RIMS2: variants seen among roughly 807,000 people sequenced by gnomAD.
The protein encoded by RIMS2 is regulating synaptic membrane exocytosis protein 2.
RIMS2 carries 59 observed loss-of-function variants against 174.4 expected under a neutral mutation model. That is an observed-to-expected ratio of 0.34 (90% CI 0.27 to 0.42). RIMS2 has a LOEUF of 0.42. RIMS2 is among the 10% of genes least tolerant of loss of function. The pLI is 1.00. For synonymous variants in RIMS2, 606 were observed against 572.5 expected, an observed-to-expected ratio of 1.06 and a Z score of -0.84; for missense variants, 1,620 against 1,666.3, an observed-to-expected ratio of 0.97 and a Z score of 0.48.
chr8:104,044,009 A>G (rs552005000), intron 19 of RIMS2, among the ~76,000 whole-genome samples: 2 of 151,796 alleles, frequency 1.3e-5, no homozygotes, highest in African/African-American at 2.4e-5. Flanking sequence ...GAATGCTGAT[A>G]CCGTTTCTGG....
intron 1 of RIMS2, among the ~76,000 whole-genome samples, chr8:103,545,180 C>T (rs1158436357): frequency 1.3e-5 from 2 of 152,046 alleles, no homozygotes; most frequent in Non-Finnish European, 2.9e-5. Context: ...GACAAAATGG[C>T]CATTTCAAGA....
chr8:103,820,275 A>G (rs2098743900), intron 3 of RIMS2, among the ~76,000 whole-genome samples: 1 of 152,048 alleles, frequency 6.6e-6, no homozygotes, highest in African/African-American at 2.4e-5. Context: ...AAGATATTCT[A>G]TTAAAGAATG....
intron 14 of RIMS2, among the ~76,000 whole-genome samples, chr8:103,956,899 T>G (rs2087479581): frequency 6.6e-6 from 1 of 151,922 alleles, no homozygotes; most frequent in Non-Finnish European, 1.5e-5. Context: ...TTAAACAGAT[T>G]TACAAGAAAA....
intron 2 of RIMS2, among the ~76,000 whole-genome samples, chr8:103,758,514 T>TG (rs890888364): frequency 6.6e-6 from 1 of 152,184 alleles, no homozygotes; most frequent in Non-Finnish European, 1.5e-5. Context: ...TTTTTATTAA[T>TG]GAAGACGTGA....
intron 1 of RIMS2, 72 bp from the exon 4 acceptor site, chr8:103,697,014 A>G (rs896321532): frequency 4.6e-6 from 4 of 872,236 alleles, no homozygotes; most frequent in Admixed American, 2.0e-5. Context: ...AACTGTGTCT[A>G]TAAATTGTGA....
At position 103,630,497 on chromosome 8, in the gene RIMS2, T is replaced by G. The variant is rs1453254099; in HGVS notation, c.177-66589T>G. Among the ~76,000 whole-genome samples, 7 of 140,758 alleles carry G rather than the reference T, an allele frequency of 5.0e-5. 1 individual carries two copies. The highest frequency in any genetic ancestry group is 3.1e-4 in the Admixed American group (4 of 12,736). 92.3% of individuals were successfully genotyped at this position (140,758 alleles called of 152,430 possible). On this transcript the variant is annotated intron_variant, in intron 1 of 23. Coordinates refer to ENST00000504942, the Ensembl canonical transcript of RIMS2. Reference sequence around the variant, plus strand: ...AGATAGGAAATAATAGGAGAATCACTAGAACCAGGGAGGCAAAGGTTGCAA... The same window carrying G: ...AGATAGGAAATAATAGGAGAATCACGAGAACCAGGGAGGCAAAGGTTGCAA...
intron 1 of RIMS2, among the ~76,000 whole-genome samples, chr8:103,632,859 G>A (rs1443574382): frequency 3.6e-5 from 5 of 140,614 alleles, no homozygotes; most frequent in East Asian, 2.3e-4. Context: ...TCAGCCTTCC[G>A]AGTAGCTGGG....
intron 19 of RIMS2, among the ~76,000 whole-genome samples, chr8:104,123,665 C>T (rs887722691): frequency 1.7e-4 from 25 of 149,794 alleles, no homozygotes; most frequent in Non-Finnish European, 3.4e-4. Context: ...AAAAAAAATA[C>T]AAATAGTGAT....
At chr8:103,821,340 C>T (rs145791676) in intron 3 of RIMS2, among the ~76,000 whole-genome samples, 381 of 151,616 alleles carry the variant, frequency 2.5e-3, no homozygotes, top group African/African-American at 8.5e-3. Flanking sequence ...TGCTTCTATA[C>T]GACCAGTATG....
intron 19 of RIMS2, among the ~76,000 whole-genome samples, chr8:104,150,591 A>G (rs2098681508): frequency 6.6e-6 from 1 of 152,156 alleles, no homozygotes; most frequent in African/African-American, 2.4e-5. Flanking sequence ...TAACTAGGTA[A>G]AAGACGATTA....
intron 16 of RIMS2, among the ~76,000 whole-genome samples, chr8:103,982,468 T>G (rs183396827): frequency 2.4e-3 from 338 of 142,460 alleles, no homozygotes; most frequent in Admixed American, 3.6e-3. Flanking sequence ...CCAATATCTC[T>G]AATGAATATT....
Position 103,928,177 on chromosome 8 carries a change from T to G in RIMS2, c.2244+288T>G, listed in dbSNP as rs1038973626. 2.0e-5 allele frequency among the ~76,000 whole-genome samples: 3 copies of G among 151,606 alleles called. 1 individual carries two copies. Among genetic ancestry groups the G allele is most frequent in the Non-Finnish European group, 4.4e-5 (3 of 67,582 alleles). On this transcript the variant is annotated intron_variant, in intron 11 of 23. Transcript: ENST00000504942. ...ATGTAGATTTAATGTAGATTCTACA[T>G]ATATATGACATTTACAGAAATAGCT...
At chr8:104,211,582 TGAG>T (rs2099105659) in intron 19 of RIMS2, among the ~76,000 whole-genome samples, 1 of 151,914 alleles carries the variant, frequency 6.6e-6, no homozygotes, top group Non-Finnish European at 1.5e-5. Context: ...TTTTTTTTTT[TGAG>T]ACAGAGTTTC....
chr8:104,012,425 TG>T lies in RIMS2; in HGVS notation c.3045-1015del, dbSNP rs147427640. ...AGGTTGAGATAACTTATAGGTAAAG[TG>T]GATGTCATTGAAACATTAGCTTTGA... is the stretch of plus-strand genomic sequence containing the variant. On this transcript the variant is annotated intron_variant, in intron 17 of 23. Transcript: ENST00000504942. Among the ~76,000 whole-genome samples, 9 of 151,854 alleles carry T rather than the reference TG, an allele frequency of 5.9e-5. No homozygotes were observed. The East Asian group carries it at 1.5e-3, about 26-fold the overall frequency.
At chr8:103,532,304 C>G (rs1333219656) in intron 1 of RIMS2, among the ~76,000 whole-genome samples, 2 of 152,204 alleles carry the variant, frequency 1.3e-5, no homozygotes, top group African/African-American at 4.8e-5. Context: ...TTCTCTATTT[C>G]TCATTCCATT....
At chr8:103,612,424 C>G (rs2095401604) in intron 1 of RIMS2, among the ~76,000 whole-genome samples, 1 of 152,152 alleles carries the variant, frequency 6.6e-6, no homozygotes, top group Non-Finnish European at 1.5e-5. Flanking sequence ...TTCTACCTGT[C>G]TTTCTTGAGA....
chr8:103,794,327 T>A (rs780336931), intron 3 of RIMS2, among the ~76,000 whole-genome samples: 5 of 152,040 alleles, frequency 3.3e-5, no homozygotes, highest in Non-Finnish European at 7.4e-5. Context: ...AAACAAGAAA[T>A]GGGGAAAGAA....
At chr8:103,950,516 A>G (rs938807058) in intron 14 of RIMS2, among the ~76,000 whole-genome samples, 3 of 152,140 alleles carry the variant, frequency 2.0e-5, no homozygotes, top group African/African-American at 4.8e-5. Context: ...ATATTAAACT[A>G]AAAAAGAAAA....
chr8:103,888,166 A>C (rs2099217474), intron 4 of RIMS2, among the ~76,000 whole-genome samples: 1 of 151,536 alleles, frequency 6.6e-6, no homozygotes, highest in Admixed American at 6.6e-5. Flanking sequence ...AAAACTAATA[A>C]ATGATAAAAT....
Sources: allele counts gnomAD v4.1 joint callset (sites outside exome capture counted in the v4.1 genomes callset), GRCh38; gene constraint gnomAD v4.1.1; transcripts MANE v1.5; gene names NCBI Gene and HGNC (gene_info 2026-07-23, HGNC 2026-07-21).